Variants in LTBP1 observed in about 807,000 individuals in gnomAD.
The protein encoded by LTBP1 is latent-transforming growth factor beta-binding protein 1.
LTBP1 carries 129 observed loss-of-function variants against 207.6 expected under a neutral mutation model. The ratio of observed to expected loss-of-function variants is 0.62; its 90% CI spans 0.54 to 0.72. The LOEUF (loss-of-function observed/expected upper bound fraction) is 0.72. Among genes scored for constraint, LTBP1 ranks in the 30% least tolerant of loss-of-function variants. The pLI is 0.00. For synonymous variants in LTBP1, 963 were observed against 833.7 expected, an observed-to-expected ratio of 1.16 and a Z score of -2.67; for missense variants, 2,281 against 2,217.2, an observed-to-expected ratio of 1.03 and a Z score of -0.58.
chr2:33,217,535 A>C lies in LTBP1; in HGVS notation c.1702-17A>C. 1 of 1,592,008 alleles carries C rather than the reference A, an allele frequency of 6.3e-7. No individual in the cohort carries two copies. Among genetic ancestry groups the C allele is most frequent in the Non-Finnish European group, 8.6e-7 (1 of 1,160,332 alleles). ...TGCACTCAATTAACCTTCATATTTCACACCTAATCATTGCAGTGTGGCAAA... is the reference window on the plus strand; with the variant it reads ...TGCACTCAATTAACCTTCATATTTCCCACCTAATCATTGCAGTGTGGCAAA... On this transcript the variant is annotated splice_polypyrimidine_tract_variant and intron_variant, in intron 7 of 33. Transcript: ENST00000404816.
At chr2:33,048,838 C>CT (rs1361453607) in intron 3 of LTBP1, among the ~76,000 whole-genome samples, 2 of 152,092 alleles carry the variant, frequency 1.3e-5, no homozygotes, top group Non-Finnish European at 2.9e-5. Flanking sequence ...CTGATAATCT[C>CT]TAATACCACA....
At chr2:32,993,757 C>T (rs1363967147) in intron 2 of LTBP1, among the ~76,000 whole-genome samples, 1 of 152,176 alleles carries the variant, frequency 6.6e-6, no homozygotes, top group Non-Finnish European at 1.5e-5. Context: ...TCAGGGATCA[C>T]CTGGCCTGAC....
chr2:33,120,460 A>G (rs1572721684), intron 4 of LTBP1, among the ~76,000 whole-genome samples: 1 of 152,136 alleles, frequency 6.6e-6, no homozygotes, highest in African/African-American at 2.4e-5. Flanking sequence ...CTGTTCCTGC[A>G]TAGTTTGCTA....
intron 15 of LTBP1, among the ~76,000 whole-genome samples, chr2:33,267,121 C>T (rs1045399602): frequency 6.6e-6 from 1 of 152,250 alleles, no homozygotes; most frequent in Admixed American, 6.5e-5. Context: ...CTGGTCCAGC[C>T]ACAGCCTCAC....
At chr2:33,182,062 GA>G (rs992149436) in intron 5 of LTBP1, among the ~76,000 whole-genome samples, 2 of 152,130 alleles carry the variant, frequency 1.3e-5, no homozygotes, top group African/African-American at 4.8e-5. Flanking sequence ...AGAAATGCTA[GA>G]ACTGGAGAAT....
At chr2:33,156,428 A>G (rs2083978940) in intron 5 of LTBP1, among the ~76,000 whole-genome samples, 1 of 152,036 alleles carries the variant, frequency 6.6e-6, no homozygotes, top group African/African-American at 2.4e-5. Flanking sequence ...ATCGCATCTG[A>G]CTCAAGTTGT....
chr2:33,318,418 C>A (rs959731578), intron 24 of LTBP1, among the ~76,000 whole-genome samples: 1 of 152,092 alleles, frequency 6.6e-6, no homozygotes, highest in African/African-American at 2.4e-5. Flanking sequence ...GTAAAACATA[C>A]AATTCTTGCC....
chr2:33,347,242 T>C (rs998428079), intron 25 of LTBP1, 125 bp from the exon 26 acceptor site: 7 of 1,020,790 alleles, frequency 6.9e-6, no homozygotes, highest in Non-Finnish European at 1.0e-5. Flanking sequence ...GCAGAAGGGG[T>C]TTGACTGCTC....
intron 30 of LTBP1, 64 bp downstream of exon 30, chr2:33,364,420 A>G: frequency 6.7e-7 from 1 of 1,495,312 alleles, no homozygotes; most frequent in Non-Finnish European, 9.0e-7. Context: ...CTTTTAACTA[A>G]AATGTGAACT....
chr2:33,031,168 A>C (rs754403308), intron 3 of LTBP1, among the ~76,000 whole-genome samples: 1 of 152,198 alleles, frequency 6.6e-6, no homozygotes, highest in Non-Finnish European at 1.5e-5. Flanking sequence ...GTCCATGAGG[A>C]CAAGAATACA....
At chr2:33,335,007 A>G (rs1255030984) in intron 24 of LTBP1, among the ~76,000 whole-genome samples, 1 of 151,494 alleles carries the variant, frequency 6.6e-6, no homozygotes, top group Non-Finnish European at 1.5e-5. Flanking sequence ...TGAGCCTAGG[A>G]AGTTGAGGCT....
intron 5 of LTBP1, among the ~76,000 whole-genome samples, chr2:33,176,724 G>A (rs549134705): frequency 6.6e-6 from 1 of 152,146 alleles, no homozygotes; most frequent in Non-Finnish European, 1.5e-5. Flanking sequence ...GCAGGCATGA[G>A]CAGGCTTGAG....
rs150050113 is a variant in LTBP1 at position 33,145,664 on chromosome 2, G to A, written c.1201+10704G>A. On this transcript the variant is annotated intron_variant, in intron 5 of 33. Transcript: ENST00000404816. Reference sequence around the variant, plus strand: ...TCTTGAGCCAGCTGTTTTATTGGGTGTACACAGAGGGTAATTAGAAACATC... The same window carrying A: ...TCTTGAGCCAGCTGTTTTATTGGGTATACACAGAGGGTAATTAGAAACATC... Among the ~76,000 whole-genome samples the A allele has an allele frequency of 4.2e-4, 64 of 152,194 alleles. 2 individuals carry two copies. In the East Asian group the frequency reaches 7.9e-3, roughly 19 times the overall value.
chr2:33,287,093 T>C (rs1042782833), intron 19 of LTBP1, among the ~76,000 whole-genome samples: 1 of 149,854 alleles, frequency 6.7e-6, no homozygotes, highest in African/African-American at 2.5e-5. Flanking sequence ...AAAAATAAAA[T>C]AAAAACAACA....
At chr2:32,960,592 T>A (rs1287922111) in intron 2 of LTBP1, among the ~76,000 whole-genome samples, 1 of 152,188 alleles carries the variant, frequency 6.6e-6, no homozygotes, top group Non-Finnish European at 1.5e-5. Flanking sequence ...ATGAATGTTG[T>A]ATGATTTTTT....
At chr2:33,048,702 G>A (rs1200124046) in intron 3 of LTBP1, among the ~76,000 whole-genome samples, 1 of 152,186 alleles carries the variant, frequency 6.6e-6, no homozygotes, top group Non-Finnish European at 1.5e-5. Context: ...AAGCGTGTGT[G>A]CTCCGTTGAC....
At chr2:33,304,555 G>T (rs2094053482) in intron 22 of LTBP1, among the ~76,000 whole-genome samples, 1 of 152,198 alleles carries the variant, frequency 6.6e-6, no homozygotes, top group Admixed American at 6.5e-5. Flanking sequence ...ACTCCAGCAT[G>T]CTTGGTAGCT....
Position 32,947,223 on chromosome 2 carries a change from G to C in LTBP1, c.-102G>C. 4 of 922,044 alleles carry C rather than the reference G, an allele frequency of 4.3e-6. No individual in the cohort carries two copies. The allele number at this position is 922,044 out of a possible 1,614,324, so 57.1% of individuals were successfully genotyped here. A position where few individuals can be genotyped will look rare whatever the true frequency, so the allele number is the denominator to read the frequency against. On this transcript the variant is annotated 5_prime_UTR_variant, in exon 1 of 34. Coordinates refer to ENST00000404816, the MANE Select transcript of LTBP1 (RefSeq NM_206943.4). ...CTCCTCCCGCCTTTCCCGGGCTCTC[G>C]GCAGCTCTCGGGGGAGCCCGAACGC...
At position 33,065,850 on chromosome 2, in the gene LTBP1, T is replaced by C. The variant is rs908587867; in HGVS notation, c.863+44644T>C. Among the ~76,000 whole-genome samples the C allele has an allele frequency of 1.2e-4, 18 of 152,182 alleles. 1 individual carries two copies. Among genetic ancestry groups the C allele is most frequent in the Admixed American group, 5.9e-4 (9 of 15,284 alleles). ...TCTTGGTCTTTTATTTATGAGAAAGTTTTTGAAAAAATTCACTTCGCTAGA... is the reference window on the plus strand; with the variant it reads ...TCTTGGTCTTTTATTTATGAGAAAGCTTTTGAAAAAATTCACTTCGCTAGA... On this transcript the variant is annotated intron_variant, in intron 3 of 33. Coordinates refer to ENST00000404816, the MANE Select transcript of LTBP1 (RefSeq NM_206943.4).
Sources: gnomAD v4.1 joint callset for allele counts (sites outside exome capture counted in the v4.1 genomes callset) on GRCh38, gnomAD v4.1.1 for gene constraint, MANE v1.5 for transcripts, NCBI Gene and HGNC (gene_info 2026-07-23, HGNC 2026-07-21) for gene names.